Variants in CAPN14 observed in about 807,000 individuals in gnomAD.
CAPN14 encodes the protein calpain-14.
A neutral mutation model predicts 101.3 loss-of-function variants in CAPN14; 94 were observed. That is an observed-to-expected ratio of 0.93 (90% CI 0.79 to 1.10). The LOEUF is 1.10. Ranked by LOEUF, CAPN14 falls within the 50% of genes least tolerant of loss-of-function variation. The pLI, the probability that CAPN14 is intolerant of heterozygous loss-of-function variation, is 0.00. For synonymous variants in CAPN14, 338 were observed against 317.9 expected, an observed-to-expected ratio of 1.06 and a Z score of -0.67; for missense variants, 837 against 828.4, an observed-to-expected ratio of 1.01 and a Z score of -0.13.
rs888532535 is a variant in CAPN14, at chr2:31,177,608, T to A, written c.1855+138A>T. 27 of 649,464 alleles carry A rather than the reference T, an allele frequency of 4.2e-5. No individual in the cohort carries two copies. In the African/African-American group the frequency reaches 4.5e-4, roughly 11 times the overall value. 40.2% of individuals were successfully genotyped at this position (649,464 alleles called of 1,614,324 possible). On this transcript the variant is annotated intron_variant, in intron 19 of 21. Transcript: ENST00000403897. ...GGGACAATCATAAAAAATGTTGGAG[T>A]TGACTGCAGATCTACGTCTTTGAGA...
chr2:31,217,873 A>G (rs1248704687), upstream of CAPN14, among the ~76,000 whole-genome samples: 1 of 152,184 alleles, frequency 6.6e-6, no homozygotes, highest in Non-Finnish European at 1.5e-5. Context: ...AAGAACCAAG[A>G]CAGAGATTCC....
chr2:31,229,983 A>G (rs763838035), intron 1 of CAPN14, among the ~76,000 whole-genome samples: 2 of 152,224 alleles, frequency 1.3e-5, no homozygotes, highest in African/African-American at 2.4e-5. Context: ...ATTTTGGCAT[A>G]GGTAGCACCA....
chr2:31,209,819 C>T (rs574058788), intron 1 of CAPN14, among the ~76,000 whole-genome samples: 1 of 152,210 alleles, frequency 6.6e-6, no homozygotes, highest in East Asian at 1.9e-4. Flanking sequence ...AATTGGCCAT[C>T]ATGGGAGTGT....
chr2:31,186,920 A>T (rs1680927511), intron 15 of CAPN14, among the ~76,000 whole-genome samples: 1 of 152,206 alleles, frequency 6.6e-6, no homozygotes, highest in Non-Finnish European at 1.5e-5. Context: ...TCTCTATGAG[A>T]CTTCATTTGA....
intron 16 of CAPN14, among the ~76,000 whole-genome samples, chr2:31,182,917 A>G (rs1321042094): frequency 8.6e-5 from 13 of 151,574 alleles, no homozygotes; most frequent in South Asian, 2.1e-4. Flanking sequence ...GAGGCATCAC[A>G]CTACCTGACT....
chr2:31,201,230 CGT>C (rs1198615808), intron 5 of CAPN14, among the ~76,000 whole-genome samples: 3 of 149,998 alleles, frequency 2.0e-5, no homozygotes, highest in East Asian at 2.0e-4. Flanking sequence ...TCTGTGTTTG[CGT>C]GTGTGTGTGC....
At chr2:31,215,105 G>A (rs904645420) in intron 1 of CAPN14, among the ~76,000 whole-genome samples, 13 of 152,064 alleles carry the variant, frequency 8.5e-5, no homozygotes, top group African/African-American at 3.1e-4. Flanking sequence ...AAGAGGTAGC[G>A]GCACCCTAGT....
intron 5 of CAPN14, among the ~76,000 whole-genome samples, chr2:31,201,221 CTG>C (rs958436469): frequency 6.7e-5 from 10 of 148,566 alleles, no homozygotes; most frequent in African/African-American, 1.2e-4. Flanking sequence ...ATGTGTGTGT[CTG>C]TGTTTGCGTG....
chr2:31,225,007 G>A (rs925522498), intron 2 of CAPN14, among the ~76,000 whole-genome samples: 2 of 152,008 alleles, frequency 1.3e-5, no homozygotes, highest in Non-Finnish European at 2.9e-5. Context: ...TTGTAGGAGA[G>A]AGAAGACAAG....
chr2:31,184,412 C>T (rs1000865830), intron 16 of CAPN14, among the ~76,000 whole-genome samples: 1 of 152,244 alleles, frequency 6.6e-6, no homozygotes, highest in African/African-American at 2.4e-5. Context: ...CTACTCCTCA[C>T]ATGCGATGGT....
chr2:31,175,294 C>T (rs1331336107), intron 21 of CAPN14, among the ~76,000 whole-genome samples: 2 of 152,202 alleles, frequency 1.3e-5, no homozygotes, highest in Non-Finnish European at 2.9e-5. Flanking sequence ...ATGGTCAGAG[C>T]TGGAGGCAAT....
At chr2:31,206,632 CACAT>C (rs1055786715) in intron 1 of CAPN14, among the ~76,000 whole-genome samples, 6 of 152,176 alleles carry the variant, frequency 3.9e-5, no homozygotes, top group Non-Finnish European at 8.8e-5. Flanking sequence ...ATCACACACA[CACAT>C]ATTGTGCCAA....
chr2:31,185,916 G>A (rs1680877670), intron 16 of CAPN14, among the ~76,000 whole-genome samples: 1 of 151,980 alleles, frequency 6.6e-6, no homozygotes, highest in African/African-American at 2.4e-5. Context: ...TGGACTTTAA[G>A]CCTTTCTAAT....
chr2:31,178,991 T>C (rs1024952368), intron 17 of CAPN14, among the ~76,000 whole-genome samples: 1 of 151,020 alleles, frequency 6.6e-6, no homozygotes, highest in Non-Finnish European at 1.5e-5. Flanking sequence ...ACAAATTAAA[T>C]ATGACATATC....
chr2:31,199,007 G>A lies in CAPN14; in HGVS notation c.789+463C>T, dbSNP rs1681613068. Among the ~76,000 whole-genome samples, 5 of 152,224 alleles carry A rather than the reference G, an allele frequency of 3.3e-5. No individual in the cohort carries two copies. The South Asian group carries it at 1.0e-3, about 32-fold the overall frequency. On this transcript the variant is annotated intron_variant, in intron 7 of 21. Coordinates refer to ENST00000403897, the MANE Select transcript of CAPN14 (RefSeq NM_001145122.2). Reference sequence around the variant, plus strand: ...TGCTTCCTCCTCATTTTCAGATATGGTTTGTGACCATACCTGACTGTAAGC... The same window carrying A: ...TGCTTCCTCCTCATTTTCAGATATGATTTGTGACCATACCTGACTGTAAGC...
At chr2:31,222,823 G>A (rs1682899201) in intron 2 of CAPN14, among the ~76,000 whole-genome samples, 1 of 152,182 alleles carries the variant, frequency 6.6e-6, no homozygotes, top group Non-Finnish European at 1.5e-5. Flanking sequence ...ATTCACAGGT[G>A]GAAATCCTGA....
intron 16 of CAPN14, among the ~76,000 whole-genome samples, chr2:31,184,523 T>C (rs969572597): frequency 1.3e-5 from 2 of 152,226 alleles, no homozygotes; most frequent in African/African-American, 4.8e-5. Flanking sequence ...TGCAATTTGA[T>C]TGAACAGAAT....
chr2:31,181,857 CT>C lies in CAPN14; in HGVS notation c.1646-858del, dbSNP rs1289627471. On this transcript the variant is annotated intron_variant, in intron 16 of 21. Coordinates refer to ENST00000403897, the MANE Select transcript of CAPN14 (RefSeq NM_001145122.2). Reference sequence around the variant, plus strand: ...TCCCTACAAAGGACATGAACTCATCCTTTTTTATGGCTGCATAGTATTCCAT... The same window carrying C: ...TCCCTACAAAGGACATGAACTCATCCTTTTTATGGCTGCATAGTATTCCAT... 4.6e-5 allele frequency among the ~76,000 whole-genome samples: 7 copies of C among 150,904 alleles called. No individual in the cohort carries two copies. In the East Asian group the frequency reaches 1.4e-3, roughly 29 times the overall value.
At chr2:31,188,723 G>T (rs533017966) in intron 13 of CAPN14, among the ~76,000 whole-genome samples, 3 of 152,202 alleles carry the variant, frequency 2.0e-5, no homozygotes, top group Middle Eastern at 3.4e-3. Context: ...ACAATCATAG[G>T]CAAAATAATA....
Sources: allele counts gnomAD v4.1 joint callset (sites outside exome capture counted in the v4.1 genomes callset), GRCh38; gene constraint gnomAD v4.1.1; transcripts MANE v1.5; gene names NCBI Gene and HGNC (gene_info 2026-07-23, HGNC 2026-07-21).